The following A2ML1 variants were observed in gnomAD, a reference collection of about 807,000 sequenced individuals.
A2ML1 encodes alpha-2-macroglobulin like 1, also known as alpha-2-macroglobulin-like protein 1.
A2ML1 carries 161 observed loss-of-function variants against 181.9 expected under a neutral mutation model. The ratio of observed to expected loss-of-function variants is 0.89; its 90% CI spans 0.78 to 1.01. A2ML1 has a LOEUF of 1.01. A2ML1 is among the 50% of genes least tolerant of loss of function. The probability of loss-of-function intolerance (pLI) is 0.00; values close to 1 mark genes in which losing one functional copy is unlikely to be tolerated. For synonymous variants in A2ML1, 663 were observed against 666.8 expected, an observed-to-expected ratio of 0.99 and a Z score of 0.09; for missense variants, 1,670 against 1,768.1, an observed-to-expected ratio of 0.94 and a Z score of 1.00.
At chr12:8,879,543 A>C (rs1295178410), downstream of A2ML1, among the ~76,000 whole-genome samples, 1 of 151,954 alleles carries the variant, frequency 6.6e-6, no homozygotes, top group Non-Finnish European at 1.5e-5. Flanking sequence ...CACTCACTAA[A>C]AGCTCCATCC....
rs1301131791 is a variant in A2ML1, at chr12:8,823,798, GAGA to G, written c.330_332del (p.Lys112del). 1 of 1,614,088 alleles carries G rather than the reference GAGA, an allele frequency of 6.2e-7. No homozygotes were observed. Among genetic ancestry groups the G allele is most frequent in the Non-Finnish European group, 8.5e-7 (1 of 1,180,018 alleles). ...AGTTGGAAATAACATCAGCTTTGAGGAGAAGAAAAAGGTTCTAATTCAGAGGCA... is the reference window on the plus strand; with the variant it reads ...AGTTGGAAATAACATCAGCTTTGAGGAGAAAAAGGTTCTAATTCAGAGGCA... On this transcript the variant is annotated inframe_deletion, in exon 3 of 36. Transcript: ENST00000299698.
At chr12:8,861,884 C>T (rs144296637) in intron 28 of A2ML1, among the ~76,000 whole-genome samples, 7 of 152,110 alleles carry the variant, frequency 4.6e-5, no homozygotes, top group Non-Finnish European at 8.8e-5. Context: ...CTCAGCCTCC[C>T]GAGTAGATGG....
At chr12:8,843,494 C>A in intron 12 of A2ML1, 133 bp downstream of exon 12, 1 of 746,924 alleles carries the variant, frequency 1.3e-6, no homozygotes, top group Non-Finnish European at 2.0e-6. Context: ...TAAAGCCACA[C>A]TAAAAAAGTA....
At chr12:8,842,490 A>G (rs1943525004) in intron 11 of A2ML1, among the ~76,000 whole-genome samples, 1 of 152,132 alleles carries the variant, frequency 6.6e-6, no homozygotes. Context: ...AAGTGCTGGG[A>G]TTACAGGCGT....
intron 13 of A2ML1, among the ~76,000 whole-genome samples, chr12:8,845,860 A>AAAT (rs1565475641): frequency 2.2e-4 from 12 of 54,632 alleles, no homozygotes; most frequent in African/African-American, 8.2e-4. Context: ...AAAAAAAAAA[A>AAAT]AAAATAAATA....
At chr12:8,857,397 G>T in intron 24 of A2ML1, 57 bp downstream of exon 24, 2 of 1,580,020 alleles carry the variant, frequency 1.3e-6, no homozygotes, top group South Asian at 2.2e-5. Context: ...CCCTATGACA[G>T]ATTGATGATA....
chr12:8,859,795 G>T (rs1028763665), intron 26 of A2ML1, among the ~76,000 whole-genome samples: 1 of 151,856 alleles, frequency 6.6e-6, no homozygotes, highest in African/African-American at 2.4e-5. Flanking sequence ...TGAACTCCTG[G>T]CCTCAAGTGA....
rs763901132 is a variant in A2ML1, at chr12:8,823,794, TGAG to T, written c.325_327del (p.Glu109del). On this transcript the variant is annotated inframe_deletion, in exon 3 of 36. Coordinates refer to ENST00000299698, the MANE Select transcript of A2ML1 (RefSeq NM_144670.6). ...CGGGAGTTGGAAATAACATCAGCTTTGAGGAGAAGAAAAAGGTTCTAATTCAGA... is the reference window on the plus strand; with the variant it reads ...CGGGAGTTGGAAATAACATCAGCTTTGAGAAGAAAAAGGTTCTAATTCAGA... 7.4e-6 allele frequency: 12 copies of T among 1,613,890 alleles called. No homozygotes were observed. Among genetic ancestry groups the T allele is most frequent in the African/African-American group, 2.7e-5 (2 of 74,844 alleles).
chr12:8,840,051 A>G (rs1943415657), intron 10 of A2ML1, among the ~76,000 whole-genome samples: 1 of 151,950 alleles, frequency 6.6e-6, no homozygotes, highest in South Asian at 2.1e-4. Context: ...CTGACTAGCA[A>G]TTTTCTTTAG....
intron 28 of A2ML1, among the ~76,000 whole-genome samples, chr12:8,861,649 G>A (rs983858322): frequency 6.6e-6 from 1 of 151,216 alleles, no homozygotes; most frequent in African/African-American, 2.4e-5. Flanking sequence ...CACCACGCCC[G>A]GCGAATTTTT....
chr12:8,861,734 G>A (rs1043205914), intron 28 of A2ML1, among the ~76,000 whole-genome samples: 7 of 151,506 alleles, frequency 4.6e-5, no homozygotes, highest in Non-Finnish European at 7.4e-5. Flanking sequence ...TGATCCACCC[G>A]CCTCGGCCTC....
chr12:8,886,939 C>A (rs971182351), exon 8 of A2ML1: 2 of 151,926 alleles, frequency 1.3e-5, no homozygotes, highest in Admixed American at 6.6e-5. Context: ...AGCCCAGGAG[C>A]TAGAGATCAG....
At chr12:8,860,432 C>T (rs1944215228) in intron 26 of A2ML1, among the ~76,000 whole-genome samples, 1 of 152,178 alleles carries the variant, frequency 6.6e-6, no homozygotes, top group Non-Finnish European at 1.5e-5. Flanking sequence ...ATTTGCTTAG[C>T]TCTTTCTGGG....
downstream of A2ML1, among the ~76,000 whole-genome samples, chr12:8,881,517 G>A (rs756444778): frequency 5.9e-5 from 9 of 152,232 alleles, no homozygotes; most frequent in Non-Finnish European, 1.0e-4. Flanking sequence ...GAGAGGGGGA[G>A]AGAGACACTT....
intron 7 of A2ML1, among the ~76,000 whole-genome samples, chr12:8,836,831 C>T (rs1943296752): frequency 6.6e-6 from 1 of 151,924 alleles, no homozygotes; most frequent in South Asian, 2.1e-4. Flanking sequence ...CCATTGCTCA[C>T]TCAGATAGTA....
intron 20 of A2ML1, among the ~76,000 whole-genome samples, chr12:8,853,457 A>G (rs766462713): frequency 1.7e-4 from 26 of 152,228 alleles, no homozygotes; most frequent in Non-Finnish European, 3.2e-4. Context: ...AACAGATTCT[A>G]TGGGTCATTA....
intron 4 of A2ML1, among the ~76,000 whole-genome samples, chr12:8,831,655 AACTC>A (rs1328830061): frequency 2.0e-5 from 3 of 152,238 alleles, no homozygotes; most frequent in Admixed American, 6.5e-5. Flanking sequence ...AAGAAAGAGT[AACTC>A]ACCCAGAGCC....
At position 8,852,991 on chromosome 12, in the gene A2ML1, T is replaced by C. The variant is rs1472639204; in HGVS notation, c.2590+655T>C. ...GATTACAGGCGTGAGCCGCTGCGCC[T>C]GGCCTTTTATTTTTTTTTAGAGAGA... On this transcript the variant is annotated intron_variant, in intron 20 of 35. Coordinates refer to ENST00000299698, the MANE Select transcript of A2ML1 (RefSeq NM_144670.6). This position sits in a 1 kb window ranked among gnomAD's most constrained non-coding sequence, Gnocchi z 4.2. Among the ~76,000 whole-genome samples the C allele has an allele frequency of 6.6e-6, 1 of 152,124 alleles. No individual in the cohort carries two copies. Among genetic ancestry groups the C allele is most frequent in the Admixed American group, 6.6e-5 (1 of 15,262 alleles).
intron 18 of A2ML1, among the ~76,000 whole-genome samples, chr12:8,850,567 T>C (rs1943855115): frequency 6.6e-6 from 1 of 152,018 alleles, no homozygotes; most frequent in African/African-American, 2.4e-5. Context: ...AGCAAAACCC[T>C]TCTCAAAATC....
Sources: allele counts gnomAD v4.1 joint callset (sites outside exome capture counted in the v4.1 genomes callset), GRCh38; gene constraint gnomAD v4.1.1; non-coding constraint Gnocchi (gnomAD v3.1); transcripts MANE v1.5; gene names NCBI Gene and HGNC (gene_info 2026-07-23, HGNC 2026-07-21).